The following SMAD3 variants were observed in gnomAD, a reference collection of about 807,000 sequenced individuals.
The protein encoded by SMAD3 is SMAD family member 3, also known as MAD homolog 3.
A neutral mutation model predicts 51.8 loss-of-function variants in SMAD3; 12 were observed. That is an observed-to-expected ratio of 0.23 (90% CI 0.15 to 0.38). The LOEUF (loss-of-function observed/expected upper bound fraction) is 0.38, where lower values mean the gene tolerates loss of function less well. Ranked by LOEUF, SMAD3 falls within the 10% of genes least tolerant of loss-of-function variation. The pLI, the probability that SMAD3 is intolerant of heterozygous loss-of-function variation, is 1.00. For missense variants in SMAD3, 294 were observed against 565.6 expected (o/e 0.52, Z 4.87); for synonymous variants, 238 against 227.7 (o/e 1.05, Z -0.41).
intron 1 of SMAD3, among the ~76,000 whole-genome samples, chr15:67,103,381 A>G (rs1047645385): frequency 1.3e-5 from 2 of 152,244 alleles, no homozygotes; most frequent in Non-Finnish European, 2.9e-5. Flanking sequence ...TGAAGACTGC[A>G]TGATGATCAG....
chr15:67,067,519 A>G (rs1959953623), intron 1 of SMAD3, among the ~76,000 whole-genome samples: 1 of 152,180 alleles, frequency 6.6e-6, no homozygotes, highest in African/African-American at 2.4e-5. Flanking sequence ...AGGGACTGTC[A>G]GCCGCAAAGG....
chr15:67,140,133 AG>A, intron 1 of SMAD3, among the ~76,000 whole-genome samples: 1 of 150,646 alleles, frequency 6.6e-6, no homozygotes. Context: ...AAAAAAAAAA[AG>A]AGAAAGAAAA....
At chr15:67,152,232 A>G (rs1379064450) in intron 1 of SMAD3, among the ~76,000 whole-genome samples, 1 of 152,176 alleles carries the variant, frequency 6.6e-6, no homozygotes, top group African/African-American at 2.4e-5. Context: ...CTAAATACTC[A>G]TTTTTGTTTC....
At chr15:67,145,022 C>A (rs1961936881) in intron 1 of SMAD3, among the ~76,000 whole-genome samples, 1 of 152,138 alleles carries the variant, frequency 6.6e-6, no homozygotes, top group African/African-American at 2.4e-5. Context: ...GGAATTTCTT[C>A]CCCAGCCAGA....
intron 5 of SMAD3, among the ~76,000 whole-genome samples, chr15:67,177,439 G>A (rs531394170): frequency 3.8e-3 from 37 of 9,860 alleles, no homozygotes; most frequent in African/African-American, 0.01. Context: ...TTTTTTTGGT[G>A]TGTGGCAGAG....
rs566549016 is a variant in SMAD3 at position 67,134,337 on chromosome 15, A to G, written c.207-30558A>G. 3.3e-5 allele frequency among the ~76,000 whole-genome samples: 5 copies of G among 152,266 alleles called. No homozygotes were observed. The East Asian group carries it at 9.7e-4, about 29-fold the overall frequency. ...GCAGGAGCTCTTCTGCGATTCCCTA[A>G]GCTCAGATGAACGGGGCCTTTAAGA... On this transcript the variant is annotated intron_variant, in intron 1 of 8. Coordinates refer to ENST00000327367, the MANE Select transcript of SMAD3 (RefSeq NM_005902.4).
intron 3 of SMAD3, 141 bp downstream of exon 3, chr15:67,165,525 C>A: frequency 9.9e-7 from 1 of 1,015,106 alleles, no homozygotes; most frequent in East Asian, 2.5e-5. Flanking sequence ...CTGAGGGCCC[C>A]TGACTCAGAA....
At chr15:67,177,197 G>A (rs2140309148) in intron 5 of SMAD3, among the ~76,000 whole-genome samples, 1 of 152,218 alleles carries the variant, frequency 6.6e-6, no homozygotes, top group East Asian at 1.9e-4. Flanking sequence ...GAACTAGTAA[G>A]CATTGCCCAT....
At chr15:67,151,755 A>G (rs1242896488) in intron 1 of SMAD3, among the ~76,000 whole-genome samples, 9 of 152,198 alleles carry the variant, frequency 5.9e-5, no homozygotes, top group Admixed American at 5.9e-4. Context: ...TATTAATGTC[A>G]TTATGGTGAT....
intron 1 of SMAD3, among the ~76,000 whole-genome samples, chr15:67,134,290 G>A (rs1566979182): frequency 6.6e-6 from 1 of 152,166 alleles, no homozygotes; most frequent in Non-Finnish European, 1.5e-5. Context: ...TGGTGAATGT[G>A]TGTCAGTGTT....
chr15:67,184,958 C>T (rs1963184112), intron 7 of SMAD3, 94 bp downstream of exon 7: 2 of 1,491,378 alleles, frequency 1.3e-6, no homozygotes, highest in Non-Finnish European at 1.9e-6. Context: ...ACCTTTTCTG[C>T]TCACTCATGA....
At chr15:67,182,829 CTGTT>C (rs879113275) in intron 6 of SMAD3, among the ~76,000 whole-genome samples, 1 of 150,972 alleles carries the variant, frequency 6.6e-6, no homozygotes, top group African/African-American at 2.4e-5. Context: ...TGGCATACCA[CTGTT>C]TGATTGATTG....
chr15:67,172,876 G>A lies in SMAD3; in HGVS notation c.658+2272G>A, dbSNP rs576192620. On this transcript the variant is annotated intron_variant, in intron 5 of 8. Coordinates refer to ENST00000327367, the MANE Select transcript of SMAD3 (RefSeq NM_005902.4). ...AGACAAGGCATTTGCTGACTTTTAC[G>A]TTGGAGACGTAAAAGTCTGTGGCTG... Among the ~76,000 whole-genome samples the A allele has an allele frequency of 3.9e-5, 6 of 152,184 alleles. No individual in the cohort carries two copies. The East Asian group carries it at 5.8e-4, about 15-fold the overall frequency.
chr15:67,175,429 T>C (rs1264947199), intron 5 of SMAD3, among the ~76,000 whole-genome samples: 1 of 152,106 alleles, frequency 6.6e-6, no homozygotes, highest in African/African-American at 2.4e-5. Context: ...AATTGCCCTC[T>C]AGATTGTGTA....
In SMAD3 at chr15:67,192,661, G is replaced by A. The variant is rs1963396298; in HGVS notation, c.*2125G>A. 1 of 233,200 alleles carries A rather than the reference G, an allele frequency of 4.3e-6. No homozygotes were observed. The highest frequency in any genetic ancestry group is 1.8e-4 in the South Asian group (1 of 5,538). 14.4% of individuals were successfully genotyped at this position (233,200 alleles called of 1,614,324 possible). A position where few individuals can be genotyped will look rare whatever the true frequency, so the allele number is the denominator to read the frequency against. On this transcript the variant is annotated 3_prime_UTR_variant, in exon 9 of 9. Transcript: ENST00000327367. ...CTGCACGATCCTATGAGGGCTTCCT[G>A]TGGCACACAGCCCTCTGGGTGCTTG...
At chr15:67,093,931 A>G (rs552012421) in intron 1 of SMAD3, among the ~76,000 whole-genome samples, 29 of 152,304 alleles carry the variant, frequency 1.9e-4, no homozygotes, top group African/African-American at 7.0e-4. Context: ...CCCCCTGTTG[A>G]TGGCTGAGGA....
At chr15:67,186,804 T>G in intron 7 of SMAD3, 3 of 332,566 alleles carry the variant, frequency 9.0e-6, no homozygotes, top group South Asian at 7.1e-5. Flanking sequence ...GGTGTATTCA[T>G]CAGAGGAGCC....
At chr15:67,120,561 C>G (rs907036900) in intron 1 of SMAD3, among the ~76,000 whole-genome samples, 1 of 152,080 alleles carries the variant, frequency 6.6e-6, no homozygotes, top group African/African-American at 2.4e-5. Context: ...GTGGGGTGGT[C>G]TAGAAGGGCA....
chr15:67,168,666 C>A (rs1326882863), intron 4 of SMAD3, among the ~76,000 whole-genome samples: 1 of 152,242 alleles, frequency 6.6e-6, no homozygotes, highest in Non-Finnish European at 1.5e-5. Context: ...CCTCTTCCTC[C>A]TTGTGCCTCC....
Sources: gnomAD v4.1 joint callset for allele counts (sites outside exome capture counted in the v4.1 genomes callset) on GRCh38, gnomAD v4.1.1 for gene constraint, MANE v1.5 for transcripts, NCBI Gene and HGNC (gene_info 2026-07-23, HGNC 2026-07-21) for gene names.